PARD3B: variants seen among roughly 807,000 people sequenced by gnomAD.
The protein encoded by PARD3B is partitioning defective 3 homolog B.
PARD3B carries 103 observed loss-of-function variants against 130.2 expected under a neutral mutation model. The ratio of observed to expected loss-of-function variants is 0.79; its 90% confidence interval spans 0.67 to 0.93. The LOEUF is 0.93. PARD3B is among the 40% of genes least tolerant of loss of function. The pLI is 0.00. For synonymous variants in PARD3B, 583 were observed against 553.2 expected (o/e 1.05, Z -0.76); for missense variants, 1,609 against 1,499.2 (o/e 1.07, Z -1.21).
chr2:204,830,493 T>C (rs1426469250), intron 2 of PARD3B, among the ~76,000 whole-genome samples: 1 of 152,188 alleles, frequency 6.6e-6, no homozygotes, highest in Non-Finnish European at 1.5e-5. Flanking sequence ...TTGAGGAAAA[T>C]TAGCATAATG....
At chr2:204,624,990 G>A (rs2034436417) in intron 1 of PARD3B, among the ~76,000 whole-genome samples, 1 of 152,078 alleles carries the variant, frequency 6.6e-6, no homozygotes, top group Admixed American at 6.6e-5. Flanking sequence ...GGCTAGTGAT[G>A]TTGAACCTTT....
chr2:204,642,882 G>A (rs2035128202), intron 1 of PARD3B, among the ~76,000 whole-genome samples: 1 of 151,394 alleles, frequency 6.6e-6, no homozygotes, highest in African/African-American at 2.4e-5. Flanking sequence ...GGGAGGCCGA[G>A]GCGGGTGGAT....
At chr2:204,973,964 C>T (rs894063714) in intron 3 of PARD3B, among the ~76,000 whole-genome samples, 2 of 152,126 alleles carry the variant, frequency 1.3e-5, no homozygotes, top group Non-Finnish European at 2.9e-5. Context: ...TCCCAGATAT[C>T]ACCACCACAC....
At chr2:204,605,262 A>G (rs2033670018) in intron 1 of PARD3B, among the ~76,000 whole-genome samples, 1 of 152,202 alleles carries the variant, frequency 6.6e-6, no homozygotes, top group Non-Finnish European at 1.5e-5. Flanking sequence ...AGGAGTAGCA[A>G]AGAACTCACA....
intron 11 of PARD3B, among the ~76,000 whole-genome samples, chr2:205,163,846 TA>T (rs1321467141): frequency 3.3e-5 from 5 of 152,214 alleles, no homozygotes; most frequent in Non-Finnish European, 5.9e-5. Flanking sequence ...AAACTAATGT[TA>T]AATGATTTCT....
intron 21 of PARD3B, among the ~76,000 whole-genome samples, chr2:205,532,211 A>G (rs1013320706): frequency 6.6e-6 from 1 of 152,222 alleles, no homozygotes; most frequent in African/African-American, 2.4e-5. Context: ...TTCATCCGTT[A>G]AAAAACGAAG....
intron 11 of PARD3B, among the ~76,000 whole-genome samples, chr2:205,163,321 C>T (rs1472197536): frequency 6.6e-6 from 1 of 152,158 alleles, no homozygotes; most frequent in Non-Finnish European, 1.5e-5. Context: ...ATCAGTTATT[C>T]TCTAGAGAAT....
At chr2:204,832,924 A>G (rs1282008640) in intron 2 of PARD3B, among the ~76,000 whole-genome samples, 1 of 152,242 alleles carries the variant, frequency 6.6e-6, no homozygotes, top group Non-Finnish European at 1.5e-5. Flanking sequence ...GGTCCCTATC[A>G]TTAAAGAACG....
intron 16 of PARD3B, among the ~76,000 whole-genome samples, chr2:205,289,889 G>A (rs775033084): frequency 8.0e-6 from 1 of 124,762 alleles, no homozygotes; most frequent in Non-Finnish European, 1.8e-5. Flanking sequence ...CAGCAAGAAG[G>A]CCCTTACCAG....
At position 204,592,579 on chromosome 2, in the gene PARD3B, T is replaced by C. The variant is rs114700953; in HGVS notation, c.120+46460T>C. Among the ~76,000 whole-genome samples, 532 of 152,374 alleles carry C rather than the reference T, an allele frequency of 3.5e-3. 1 individual carries two copies. Among genetic ancestry groups the C allele is most frequent in the Non-Finnish European group, 5.9e-3 (399 of 68,040 alleles). ...TTGTTTTGTATTATACTTTTTAAAA[T>C]GATTTTATGCCCAGCTAATTTTTAT... On this transcript the variant is annotated intron_variant, in intron 1 of 22. Coordinates refer to ENST00000406610, the MANE Select transcript of PARD3B (RefSeq NM_001302769.2).
At chr2:204,718,056 T>C (rs1006995237) in intron 2 of PARD3B, among the ~76,000 whole-genome samples, 1 of 152,106 alleles carries the variant, frequency 6.6e-6, no homozygotes, top group African/African-American at 2.4e-5. Flanking sequence ...AGTTTTATTT[T>C]AGAGAACCCG....
chr2:205,313,006 A>G (rs1236049753), intron 18 of PARD3B, among the ~76,000 whole-genome samples: 4 of 152,202 alleles, frequency 2.6e-5, no homozygotes, highest in African/African-American at 9.7e-5. Context: ...TTGGCTTGCA[A>G]CTAAGCACCA....
intron 2 of PARD3B, among the ~76,000 whole-genome samples, chr2:204,739,897 A>G (rs992749526): frequency 6.6e-6 from 1 of 152,132 alleles, no homozygotes; most frequent in East Asian, 1.9e-4. Context: ...TTTTGTAATC[A>G]TAACACAGTA....
intron 2 of PARD3B, among the ~76,000 whole-genome samples, chr2:204,709,622 C>T (rs1204467009): frequency 3.3e-5 from 5 of 152,160 alleles, no homozygotes; most frequent in Admixed American, 3.3e-4. Context: ...CAGATGACTT[C>T]TCCATGATAG....
At position 204,890,128 on chromosome 2, in the gene PARD3B, C is replaced by G. The variant is rs893048210; in HGVS notation, c.223-75024C>G. ...ATGTCTGCTTTGCCTTCTCCGCCTT[C>G]TCCGCATGCCAGCAGGAGCACTCAC... On this transcript the variant is annotated intron_variant, in intron 2 of 22. Transcript: ENST00000406610. The surrounding 1 kb of genome is among the most constrained non-coding windows in gnomAD (Gnocchi z 4.9). Among the ~76,000 whole-genome samples the G allele has an allele frequency of 2.0e-5, 3 of 152,222 alleles. No individual in the cohort carries two copies. The highest frequency in any genetic ancestry group is 7.2e-5 in the African/African-American group (3 of 41,452).
intron 20 of PARD3B, among the ~76,000 whole-genome samples, chr2:205,481,862 C>T (rs6760832): frequency 0.082 from 12,404 of 152,170 alleles, 543 homozygotes; most frequent in African/African-American, 0.12. Flanking sequence ...GAAACAATTA[C>T]GAGTCCAGAA....
intron 16 of PARD3B, among the ~76,000 whole-genome samples, chr2:205,249,939 GAA>G (rs72169792): frequency 3.2e-5 from 4 of 125,206 alleles, no homozygotes; most frequent in African/African-American, 8.9e-5. Context: ...AATGCCTGGA[GAA>G]AAAAAAAAAA....
rs78571033 is a variant in PARD3B, at chr2:205,590,596, C to T, written c.3261-24860C>T. ...AGTCATTCCACCTGAACCACATGGA[C>T]TGAGAGTGGGCATGGAATGATTCCC... On this transcript the variant is annotated intron_variant, in intron 22 of 22. Transcript: ENST00000406610. This position sits in a 1 kb window ranked among gnomAD's most constrained non-coding sequence, Gnocchi z 4.1. 0.02 allele frequency among the ~76,000 whole-genome samples: 3,025 copies of T among 152,200 alleles called. 99 individuals carry two copies. The highest frequency in any genetic ancestry group is 0.068 in the African/African-American group (2,834 of 41,492).
In PARD3B at chr2:205,067,095, C is replaced by CTTTTTTTTTTTTTTTTTTTT. The variant is rs10672449; in HGVS notation, c.504+19415_504+19434dup. On this transcript the variant is annotated intron_variant, in intron 4 of 22. Transcript: ENST00000406610. ...GCATCTTGCATCCACTTTTACTAGG[C>CTTTTTTTTTTTTTTTTTTTT]TTTTTTTTTTTTTTTTTTTTTTTTT... is the stretch of plus-strand genomic sequence containing the variant. 2.3e-3 allele frequency among the ~76,000 whole-genome samples: 135 copies of CTTTTTTTTTTTTTTTTTTTT among 59,704 alleles called. 27 individuals carry two copies. Among genetic ancestry groups the CTTTTTTTTTTTTTTTTTTTT allele is most frequent in the Non-Finnish European group, 3.0e-3 (95 of 32,120 alleles). 39.2% of individuals were successfully genotyped at this position (59,704 alleles called of 152,430 possible).
Sources: gnomAD v4.1 joint callset for allele counts (sites outside exome capture counted in the v4.1 genomes callset) on GRCh38, gnomAD v4.1.1 for gene constraint, Gnocchi (gnomAD v3.1) non-coding constraint, MANE v1.5 for transcripts, NCBI Gene and HGNC (gene_info 2026-07-23, HGNC 2026-07-21) for gene names.